The following KIF21B variants were observed in gnomAD, a reference collection of about 807,000 sequenced individuals.
KIF21B encodes kinesin-like protein KIF21B.
A neutral mutation model predicts 192.9 loss-of-function variants in KIF21B; 85 were observed. That is an observed-to-expected ratio of 0.44 (90% CI 0.37 to 0.53). KIF21B has a LOEUF of 0.53. KIF21B is among the 20% of genes least tolerant of loss of function. KIF21B has a pLI of 0.00. For missense variants in KIF21B, 1,716 were observed against 2,194.8 expected (o/e 0.78, Z 4.36); for synonymous variants, 832 against 884.6 (o/e 0.94, Z 1.05).
At chr1:200,986,193 T>G (rs923976960) in intron 26 of KIF21B, among the ~76,000 whole-genome samples, 2 of 151,730 alleles carry the variant, frequency 1.3e-5, no homozygotes, top group Admixed American at 6.6e-5. Context: ...ACCTGAAAGC[T>G]CCCCAGAACC....
intron 30 of KIF21B, among the ~76,000 whole-genome samples, chr1:200,979,258 T>C (rs770352782): frequency 6.6e-6 from 1 of 152,100 alleles, no homozygotes; most frequent in Non-Finnish European, 1.5e-5. Context: ...GGATGATATC[T>C]AACACACCTC....
Position 200,983,479 on chromosome 1 carries a change from C to G in KIF21B, c.3804-385G>C, listed in dbSNP as rs187749358. On this transcript the variant is annotated intron_variant, in intron 27 of 34. Coordinates refer to ENST00000461742, the MANE Select transcript of KIF21B (RefSeq NM_001252102.2). ...TGCCCCACCCCAGCAATGCTCATAC[C>G]TGCCCAAGGCTGAAGGAAGCCATGC... 1.3e-3 allele frequency among the ~76,000 whole-genome samples: 196 copies of G among 152,308 alleles called. 1 individual carries two copies. Among genetic ancestry groups the G allele is most frequent in the Non-Finnish European group, 1.6e-3 (108 of 68,016 alleles).
At position 200,989,661 on chromosome 1, in the gene KIF21B, C is replaced by T. The variant is rs554785129; in HGVS notation, c.3132+281G>A. Among the ~76,000 whole-genome samples, 6 of 152,362 alleles carry T rather than the reference C, an allele frequency of 3.9e-5. No individual in the cohort carries two copies. The South Asian group carries it at 1.0e-3, about 26-fold the overall frequency. On this transcript the variant is annotated intron_variant, in intron 21 of 34. Coordinates refer to ENST00000461742, the MANE Select transcript of KIF21B (RefSeq NM_001252102.2). ...GCTTTGGATAGGCTTGGGCCAGACA[C>T]CCAGAGTCAACTTTAACAGAGGCCC...
rs549717305 is a variant in KIF21B, at chr1:200,992,480, G to A, written c.2278-91C>T. On this transcript the variant is annotated intron_variant, in intron 15 of 34. Transcript: ENST00000461742. Reference sequence around the variant, plus strand: ...GAGGGGCCAGCTCTGAGGGCATGGGGCAGGGATAGTGGCTAGCCAGGCAAC... The same window carrying A: ...GAGGGGCCAGCTCTGAGGGCATGGGACAGGGATAGTGGCTAGCCAGGCAAC... The A allele has an allele frequency of 2.2e-5, 29 of 1,342,606 alleles. No homozygotes were observed. The African/African-American group carries it at 3.3e-4, about 15-fold the overall frequency. The allele number at this position is 1,342,606 out of a possible 1,614,324, so 83.2% of individuals were successfully genotyped here. A position where few individuals can be genotyped will look rare whatever the true frequency, so the allele number is the denominator to read the frequency against.
intron 7 of KIF21B, 147 bp downstream of exon 7, chr1:201,004,193 C>A: frequency 1.5e-6 from 1 of 657,340 alleles, no homozygotes. Context: ...CATAAAGCAC[C>A]TCAAGGTTCC....
At position 200,999,346 on chromosome 1, in the gene KIF21B, C is replaced by G; in HGVS notation, c.1885+3G>C. On this transcript the variant is annotated splice_donor_region_variant and intron_variant, in intron 13 of 34. Transcript: ENST00000461742. The surrounding 1 kb of genome is among the most constrained non-coding windows in gnomAD (Gnocchi z 4.7). ...CCACAGCCCACAGCTCAGGCCCACG[C>G]ACCCTTCTCCTCGGGGTCTGAGTCT... The G allele has an allele frequency of 1.2e-6, 2 of 1,614,114 alleles. No individual in the cohort carries two copies. Among genetic ancestry groups the G allele is most frequent in the Non-Finnish European group, 1.7e-6 (2 of 1,179,994 alleles).
chr1:201,007,617 CACACAG>C (rs1571960933), intron 3 of KIF21B, among the ~76,000 whole-genome samples: 2 of 150,826 alleles, frequency 1.3e-5, no homozygotes, highest in East Asian at 2.0e-4. Flanking sequence ...GAGATACACA[CACACAG>C]ACACAGACAG....
chr1:201,008,853 A>G lies in KIF21B; in HGVS notation c.363T>C (p.Phe121=), dbSNP rs983481772. 6.2e-7 allele frequency: 1 copy of G among 1,610,576 alleles called. No homozygotes were observed. Among genetic ancestry groups the G allele is most frequent in the Non-Finnish European group, 8.5e-7 (1 of 1,179,986 alleles). ...GGCGCTTGCGCTCGGCAATGCCCCCAAAGAGGTGTGCGATGGCCCTCGGGA... is the reference window on the plus strand; with the variant it reads ...GGCGCTTGCGCTCGGCAATGCCCCCGAAGAGGTGTGCGATGGCCCTCGGGA... The part of the protein sequence containing the change: ...GIIPRAIAHL[F]GGIAERKRRA... The change falls in exon 3 of 35, where the codon TTT becomes TTC. Residue 121 remains phenylalanine, a synonymous_variant. Coordinates refer to ENST00000461742, the MANE Select transcript of KIF21B (RefSeq NM_001252102.2).
chr1:200,984,910 T>C lies in KIF21B; in HGVS notation c.3752A>G (p.Asn1251Ser), dbSNP rs750792575. ...ATTACTGGTGAGACGAGAGAAGACATTGCGGTCATTGCGGGGCCGAGTGGG... is the reference window on the plus strand; with the variant it reads ...ATTACTGGTGAGACGAGAGAAGACACTGCGGTCATTGCGGGGCCGAGTGGG... ...SPPTRPRNDR[N>S]VFSRLTSNQS... The change falls in exon 27 of 35, where the codon AAT (asparagine) becomes AGT (serine). Residue 1251 changes from asparagine (N) to serine (S), a missense_variant. Asn to Ser is a conservative substitution (Grantham distance 46). Coordinates refer to ENST00000461742, the MANE Select transcript of KIF21B (RefSeq NM_001252102.2). 15 of 1,607,204 alleles carry C rather than the reference T, an allele frequency of 9.3e-6. No individual in the cohort carries two copies. The highest frequency in any genetic ancestry group is 4.6e-5 in the East Asian group (2 of 43,844).
intron 14 of KIF21B, 124 bp from the exon 15 acceptor site, chr1:200,996,519 A>G: frequency 1.2e-6 from 1 of 804,658 alleles, no homozygotes; most frequent in Admixed American, 2.2e-5. Flanking sequence ...TGGGCAAGTC[A>G]CACCCCTCTC....
rs1158372357 is a variant in KIF21B, at chr1:200,996,376, A to C, written c.2097T>G (p.Thr699=). 1.9e-6 allele frequency: 3 copies of C among 1,613,858 alleles called. No individual in the cohort carries two copies. The highest frequency in any genetic ancestry group is 3.3e-5 in the Admixed American group (2 of 60,002). Reference sequence around the variant, plus strand: ...CCTTGATCTTGTTGGCCTTCTCCTCAGTATAGCACTCCATGGTGCCTGAGA... The same window carrying C: ...CCTTGATCTTGTTGGCCTTCTCCTCCGTATAGCACTCCATGGTGCCTGAGA... ...LQNLSTMECY[T]EEKANKIKAD... Residue 699 remains threonine, a synonymous_variant, in exon 15 of 35, where the codon ACT becomes ACG. Coordinates refer to ENST00000461742, the MANE Select transcript of KIF21B (RefSeq NM_001252102.2).
Position 200,991,001 on chromosome 1 carries a change from C to G in KIF21B, c.2603G>C (p.Ser868Thr), listed in dbSNP as rs1656653507. The part of the protein sequence containing the change: ...EAESGARSVS[S>T]IVRQWNRKIN... The stretch of plus-strand genomic sequence containing the variant: ...TTTGCGGTTCCACTGGCGCACGATG[C>G]TGGAGACAGAGCGGGCCCCTGATTC... Residue 868 changes from serine to threonine, a missense_variant, in exon 18 of 35, where the codon AGC becomes ACC. Ser to Thr is a moderately conservative substitution (Grantham distance 58). Coordinates refer to ENST00000461742, the MANE Select transcript of KIF21B (RefSeq NM_001252102.2). 6.2e-7 allele frequency: 1 copy of G among 1,614,070 alleles called. No homozygotes were observed. Among genetic ancestry groups the G allele is most frequent in the Non-Finnish European group, 8.5e-7 (1 of 1,180,060 alleles).
chr1:200,974,107 G>A, intron 34 of KIF21B: 3 of 1,610,882 alleles, frequency 1.9e-6, no homozygotes, highest in East Asian at 2.2e-5. Context: ...AGGGCAGGGT[G>A]GTGGCGCGGC....
At position 201,002,162 on chromosome 1, in the gene KIF21B, G is replaced by A. The variant is rs572190695; in HGVS notation, c.1401C>T (p.Ala467=). 27 of 1,613,676 alleles carry A rather than the reference G, an allele frequency of 1.7e-5. No individual in the cohort carries two copies. Among genetic ancestry groups the A allele is most frequent in the South Asian group, 1.1e-4 (10 of 91,076 alleles). Residue 467 remains alanine, a splice_region_variant and synonymous_variant, in exon 9 of 35, where the codon GCC becomes GCT. Transcript: ENST00000461742. ...SQEANLLLAK[A]GDGNEAIGAL... ...CTGGCCTGGCACAGCCCAACTCACCGGCCTTGGCTAGCAGCAGGTTGGCCT... is the reference window on the plus strand; with the variant it reads ...CTGGCCTGGCACAGCCCAACTCACCAGCCTTGGCTAGCAGCAGGTTGGCCT...
intron 14 of KIF21B, among the ~76,000 whole-genome samples, chr1:200,997,497 C>T (rs148340444): frequency 0.017 from 2,641 of 152,332 alleles, 84 homozygotes; most frequent in African/African-American, 0.059. Context: ...GTAATCCCAG[C>T]ACTTTGGGAG....
chr1:201,015,930 G>A lies in KIF21B; in HGVS notation c.42-6442C>T, dbSNP rs1658475950. ...ATCATTCGTCATTGATATCCCTCTT[G>A]CCTTGTTCTACGTGTTCTTCACCAC... is the stretch of plus-strand genomic sequence containing the variant. On this transcript the variant is annotated intron_variant, in intron 1 of 34. Coordinates refer to ENST00000461742, the MANE Select transcript of KIF21B (RefSeq NM_001252102.2). 2.0e-5 allele frequency among the ~76,000 whole-genome samples: 3 copies of A among 152,288 alleles called. No individual in the cohort carries two copies. The South Asian group carries it at 6.2e-4, about 32-fold the overall frequency.
chr1:201,008,946 C>T lies in KIF21B; in HGVS notation c.270G>A (p.Gly90=). ...NATVLAYGQT[G]AGKTYTMGTG... ...TGCCCATGGTGTACGTCTTCCCGGCCCCCGTCTGCATTGGCAAAGATAGGA... is the reference window on the plus strand; with the variant it reads ...TGCCCATGGTGTACGTCTTCCCGGCTCCCGTCTGCATTGGCAAAGATAGGA... The change falls in exon 3 of 35, where the codon GGG becomes GGA. Residue 90 remains glycine, a synonymous_variant. Coordinates refer to ENST00000461742, the MANE Select transcript of KIF21B (RefSeq NM_001252102.2). 3.7e-6 allele frequency: 6 copies of T among 1,608,560 alleles called. No individual in the cohort carries two copies. The highest frequency in any genetic ancestry group is 5.1e-6 in the Non-Finnish European group (6 of 1,179,218).
At chr1:200,996,096 T>C in intron 15 of KIF21B, 100 bp downstream of exon 15, 2 of 1,212,474 alleles carry the variant, frequency 1.6e-6, no homozygotes, top group Admixed American at 3.5e-5. Flanking sequence ...GAGAAGAGAA[T>C]CCACACTTGA....
intron 34 of KIF21B, 160 bp from the exon 35 acceptor site, chr1:200,973,738 TGG>T: frequency 1.4e-6 from 2 of 1,473,092 alleles, no homozygotes; most frequent in Non-Finnish European, 1.8e-6. Context: ...CTGCAGGTGG[TGG>T]GGTGCTGGGC....
Sources: allele counts gnomAD v4.1 joint callset (sites outside exome capture counted in the v4.1 genomes callset), GRCh38; gene constraint gnomAD v4.1.1; non-coding constraint Gnocchi (gnomAD v3.1); transcripts MANE v1.5; gene names NCBI Gene and HGNC (gene_info 2026-07-23, HGNC 2026-07-21).